Variants in RAE1 observed in about 807,000 individuals in gnomAD.
The protein encoded by RAE1 is ribonucleic acid export 1, also known as mRNA export factor RAE1.
RAE1 carries 13 observed loss-of-function variants against 52.7 expected under a neutral mutation model. The observed-to-expected ratio is 0.25, with a 90% CI of 0.16 to 0.39. The LOEUF (loss-of-function observed/expected upper bound fraction) is 0.39. Among genes scored for constraint, RAE1 ranks in the 10% least tolerant of loss-of-function variants. The pLI is 1.00. For synonymous variants in RAE1, 164 were observed against 153.1 expected (o/e 1.07, Z -0.52); for missense variants, 262 against 459.8 (o/e 0.57, Z 3.93).
chr20:57,360,786 T>C (rs1224274792), intron 4 of RAE1, among the ~76,000 whole-genome samples: 1 of 152,224 alleles, frequency 6.6e-6, no homozygotes, highest in African/African-American at 2.4e-5. Flanking sequence ...ATAGCTTAGT[T>C]AAACTTCTGT....
rs879545623 is a variant in RAE1, at chr20:57,374,166, C to T, written c.825+428C>T. Among the ~76,000 whole-genome samples, 13 of 152,226 alleles carry T rather than the reference C, an allele frequency of 8.5e-5. No homozygotes were observed. In the East Asian group the frequency reaches 2.3e-3, roughly 27 times the overall value. ...AAGTGCTGGGATTACAGGCGTGAGC[C>T]ACCGCACTTGGCCTTGTTTTCTGTG... On this transcript the variant is annotated intron_variant, in intron 10 of 11. Transcript: ENST00000395841.
At chr20:57,365,988 AG>A (rs967034209) in intron 5 of RAE1, among the ~76,000 whole-genome samples, 10 of 152,306 alleles carry the variant, frequency 6.6e-5, no homozygotes, top group African/African-American at 2.2e-4. Flanking sequence ...CAGCCTGCTA[AG>A]GGGGCTTCAG....
At chr20:57,377,471 G>A (rs972680400) in intron 11 of RAE1, among the ~76,000 whole-genome samples, 26 of 152,258 alleles carry the variant, frequency 1.7e-4, no homozygotes, top group Admixed American at 1.2e-3. Context: ...GGGGTCTTTC[G>A]ATGCTGTATA....
rs570433185 is a variant in RAE1 at position 57,373,515 on chromosome 20, C to T, written c.683C>T (p.Pro228Leu). 5 of 1,614,100 alleles carry T rather than the reference C, an allele frequency of 3.1e-6. No individual in the cohort carries two copies. The highest frequency in any genetic ancestry group is 4.2e-6 in the Non-Finnish European group (5 of 1,180,010). The change falls in exon 9 of 12, where the codon CCT becomes CTT. Residue 228 changes from proline to leucine, a missense_variant. Transcript: ENST00000395841. ...ATTTTTAAAGACAAACAGAACAAGC[C>T]TACTGGTTTTGCCCTGGGAAGTATC... The part of the protein sequence containing the change: ...VAIFKDKQNK[P>L]TGFALGSIEG...
intron 10 of RAE1, among the ~76,000 whole-genome samples, chr20:57,374,283 C>G (rs997715449): frequency 6.6e-6 from 1 of 152,188 alleles, no homozygotes; most frequent in South Asian, 2.1e-4. Context: ...CCCTCAGGAG[C>G]GCTGGTAGAC....
rs971303452 is a variant in RAE1 at position 57,365,271 on chromosome 20, A to G, written c.289-85A>G. Reference sequence around the variant, plus strand: ...ATAAAGATTGCCAAAGTTTGCCTCAATATGTTCAACGTAGTATCTAAATAT... The same window carrying G: ...ATAAAGATTGCCAAAGTTTGCCTCAGTATGTTCAACGTAGTATCTAAATAT... On this transcript the variant is annotated intron_variant, in intron 4 of 11. Transcript: ENST00000395841. 2.1e-5 allele frequency: 20 copies of G among 952,800 alleles called. No homozygotes were observed. The African/African-American group carries it at 2.9e-4, about 14-fold the overall frequency. 59.0% of individuals were successfully genotyped at this position (952,800 alleles called of 1,614,324 possible).
At chr20:57,377,647 GTCC>G (rs1259735143) in intron 11 of RAE1, among the ~76,000 whole-genome samples, 3 of 152,164 alleles carry the variant, frequency 2.0e-5, no homozygotes, top group Non-Finnish European at 4.4e-5. Flanking sequence ...CAGGTCAGAT[GTCC>G]TCCTTTCTGT....
intron 4 of RAE1, chr20:57,359,041 C>T (rs1362893720): frequency 8.6e-6 from 13 of 1,510,586 alleles, no homozygotes; most frequent in Middle Eastern, 2.4e-4. Context: ...TGTGGCCATT[C>T]ATTCAAGTCC....
chr20:57,375,594 C>T (rs1404351430), intron 11 of RAE1, among the ~76,000 whole-genome samples: 1 of 151,676 alleles, frequency 6.6e-6, no homozygotes, highest in Non-Finnish European at 1.5e-5. Context: ...CCAGCTCCTC[C>T]CCTCTGTCTA....
chr20:57,377,417 C>CT (rs2067131727), intron 11 of RAE1, among the ~76,000 whole-genome samples: 2 of 152,230 alleles, frequency 1.3e-5, no homozygotes, highest in African/African-American at 4.8e-5. Context: ...AAAGGCCTCC[C>CT]TCTGCCATTC....
chr20:57,361,471 C>A (rs751449686), intron 4 of RAE1, among the ~76,000 whole-genome samples: 1 of 152,026 alleles, frequency 6.6e-6, no homozygotes, highest in African/African-American at 2.4e-5. Context: ...GGTATGTTTA[C>A]CTAGGTTGAT....
chr20:57,354,537 G>A (rs536028286), intron 2 of RAE1, among the ~76,000 whole-genome samples, 175 bp from the exon 3 acceptor site: 2 of 152,276 alleles, frequency 1.3e-5, no homozygotes, highest in South Asian at 2.1e-4. Context: ...GGTGGTGCTG[G>A]TACTTTCTCT....
chr20:57,368,653 A>G (rs2066991427), intron 7 of RAE1, 52 bp from the exon 8 acceptor site: 1 of 1,324,552 alleles, frequency 7.5e-7, no homozygotes, highest in Non-Finnish European at 1.1e-6. Flanking sequence ...TTAGTATAAA[A>G]ACAGCACACT....
chr20:57,352,247 C>A (rs925423782), intron 1 of RAE1, among the ~76,000 whole-genome samples: 1 of 152,158 alleles, frequency 6.6e-6, no homozygotes, highest in Non-Finnish European at 1.5e-5. Flanking sequence ...ATGGCAAGTT[C>A]AAATTTGGGA....
At chr20:57,364,734 C>G (rs2066931755) in intron 4 of RAE1, among the ~76,000 whole-genome samples, 1 of 152,198 alleles carries the variant, frequency 6.6e-6, no homozygotes, top group Admixed American at 6.5e-5. Context: ...TTTGAGTTCT[C>G]TGTGTGAATA....
At chr20:57,375,960 T>A (rs1330240448) in intron 11 of RAE1, among the ~76,000 whole-genome samples, 1 of 152,142 alleles carries the variant, frequency 6.6e-6, no homozygotes, top group Non-Finnish European at 1.5e-5. Flanking sequence ...TATCTCAGCC[T>A]GGGGGGCCAC....
rs752043942 is a variant in RAE1, at chr20:57,367,084, G to A, written c.534+5G>A. 1.3e-6 allele frequency: 2 copies of A among 1,565,672 alleles called. No individual in the cohort carries two copies. The highest frequency in any genetic ancestry group is 3.5e-5 in the Admixed American group (2 of 57,006). On this transcript the variant is annotated splice_donor_5th_base_variant and intron_variant, in intron 7 of 11. Transcript: ENST00000395841. ...AGGTGTTACTGTGCTGACGTGGTAA[G>A]GGATTTCAACTTAATATGTATTTAC...
At chr20:57,358,873 G>T (rs2066842240) in intron 4 of RAE1, 3 of 1,045,830 alleles carry the variant, frequency 2.9e-6, no homozygotes, top group Middle Eastern at 3.4e-4. Context: ...AATTTTTAAT[G>T]CAGGGATAGG....
At chr20:57,359,716 C>T (rs1386041127) in intron 4 of RAE1, 1 of 152,266 alleles carries the variant, frequency 6.6e-6, no homozygotes, top group African/African-American at 2.4e-5. Flanking sequence ...TGTGCTCTTT[C>T]AGCTATTCTT....
Sources: gnomAD v4.1 joint callset for allele counts (sites outside exome capture counted in the v4.1 genomes callset) on GRCh38, gnomAD v4.1.1 for gene constraint, MANE v1.5 for transcripts, NCBI Gene and HGNC (gene_info 2026-07-23, HGNC 2026-07-21) for gene names.